The following ZNF469 variants were observed in gnomAD, a reference collection of about 807,000 sequenced individuals.
ZNF469 encodes the protein zinc finger protein 469.
Under a neutral mutation model 1.0 loss-of-function variants are expected in ZNF469, and 1 was observed. The ratio of observed to expected loss-of-function variants is 1.00; its 90% confidence interval spans 0.35 to 4.73. The LOEUF is 4.73. ZNF469 is among the 30% of genes most tolerant of loss of function. The pLI, the probability that ZNF469 is intolerant of heterozygous loss-of-function variation, is 0.16. For missense variants in ZNF469, 6,100 were observed against 5,356.3 expected, an observed-to-expected ratio of 1.14 and a Z score of -4.33; for synonymous variants, 2,703 against 2,363.4, an observed-to-expected ratio of 1.14 and a Z score of -4.17.
the ZNF469 span, among the ~76,000 whole-genome samples, chr16:88,296,732 C>T: frequency 9.9e-5 from 15 of 150,940 alleles, no homozygotes; most frequent in Admixed American, 6.6e-4. Flanking sequence ...GCCCATGCTC[C>T]ACCCACACAC....
the ZNF469 span, among the ~76,000 whole-genome samples, chr16:88,122,068 C>T: frequency 4.7e-5 from 7 of 149,672 alleles, no homozygotes; most frequent in East Asian, 1.4e-3. Flanking sequence ...TGATCGCACC[C>T]TGTCACTTGC....
At chr16:88,354,453 C>T in the ZNF469 span, among the ~76,000 whole-genome samples, 1 of 152,232 alleles carries the variant, frequency 6.6e-6, no homozygotes, top group East Asian at 1.9e-4. Flanking sequence ...GAATTAGGTG[C>T]AGCTGGGGTC....
At chr16:88,163,895 AATGG>A in the ZNF469 span, among the ~76,000 whole-genome samples, 905 of 140,454 alleles carry the variant, frequency 6.4e-3, 13 homozygotes, top group African/African-American at 0.019. Flanking sequence ...TGGGTAGATG[AATGG>A]ATGGATGGAT....
At chr16:88,305,597 C>T in the ZNF469 span, among the ~76,000 whole-genome samples, 3 of 151,024 alleles carry the variant, frequency 2.0e-5, no homozygotes, top group Non-Finnish European at 4.4e-5. Flanking sequence ...CACGCACACC[C>T]TCACACATGC....
the ZNF469 span, among the ~76,000 whole-genome samples, chr16:88,163,899 G>GATGC: frequency 1.3e-5 from 2 of 149,448 alleles, no homozygotes; most frequent in Non-Finnish European, 3.0e-5. Flanking sequence ...TAGATGAATG[G>GATGC]ATGGATGGAT....
chr16:88,440,191 A>AT lies in ZNF469; in HGVS notation c.*870dup, dbSNP rs35684712. 65 of 149,840 alleles carry AT rather than the reference A, an allele frequency of 4.3e-4. No individual in the cohort carries two copies. In the East Asian group the frequency reaches 7.5e-3, roughly 17 times the overall value. 9.3% of individuals were successfully genotyped at this position (149,840 alleles called of 1,614,324 possible). A position where few individuals can be genotyped will look rare whatever the true frequency, so the allele number is the denominator to read the frequency against. ...TGTAATGTGAATACAGGCTTCCTTG[A>AT]TTTTTTTTTTTAATGGGGGTATTGG... On this transcript the variant is annotated 3_prime_UTR_variant, in exon 3 of 3. Coordinates refer to ENST00000565624, the MANE Select transcript of ZNF469 (RefSeq NM_001367624.2).
At chr16:88,110,609 G>A in the ZNF469 span, among the ~76,000 whole-genome samples, 1 of 152,368 alleles carries the variant, frequency 6.6e-6, no homozygotes, top group Admixed American at 6.5e-5. Flanking sequence ...AACTGTATCG[G>A]AGAGATGTCC....
At chr16:88,407,131 T>G (rs1210413694) in intron 1 of ZNF469, among the ~76,000 whole-genome samples, 1 of 107,296 alleles carries the variant, frequency 9.3e-6, no homozygotes, top group African/African-American at 4.1e-5. Context: ...AGGACTGAGG[T>G]GTGTGCCCGG....
At chr16:88,107,540 G>T in the ZNF469 span, among the ~76,000 whole-genome samples, 5 of 152,216 alleles carry the variant, frequency 3.3e-5, no homozygotes, top group African/African-American at 1.2e-4. Flanking sequence ...TTCGAGGTGA[G>T]ATCTGCGTGG....
At chr16:88,330,825 C>A in the ZNF469 span, among the ~76,000 whole-genome samples, 1 of 152,222 alleles carries the variant, frequency 6.6e-6, no homozygotes, top group African/African-American at 2.4e-5. Context: ...CCCCTTCAGT[C>A]CTATGAGCCT....
the ZNF469 span, among the ~76,000 whole-genome samples, chr16:88,198,557 C>T: frequency 6.6e-6 from 1 of 152,208 alleles, no homozygotes. Flanking sequence ...TAATTCTTGT[C>T]ACTTTAAATG....
chr16:88,113,971 G>A, the ZNF469 span, among the ~76,000 whole-genome samples: 30 of 152,310 alleles, frequency 2.0e-4, no homozygotes, highest in South Asian at 8.3e-4. Flanking sequence ...GCTGTGGGCC[G>A]TGCGATGGGA....
chr16:88,306,316 T>G, the ZNF469 span, among the ~76,000 whole-genome samples: 1 of 152,234 alleles, frequency 6.6e-6, no homozygotes, highest in African/African-American at 2.4e-5. Flanking sequence ...TAAGGGAACT[T>G]GAGGAGCTGA....
chr16:88,352,311 A>G, the ZNF469 span, among the ~76,000 whole-genome samples: 4 of 152,236 alleles, frequency 2.6e-5, no homozygotes, highest in Non-Finnish European at 5.9e-5. Flanking sequence ...GTCGCAGTAA[A>G]GAAGCTTCAT....
At chr16:88,379,105 AT>A (rs1172311534), upstream of ZNF469, among the ~76,000 whole-genome samples, 19 of 152,212 alleles carry the variant, frequency 1.2e-4, no homozygotes, top group Admixed American at 1.2e-3. Context: ...ACTCGGTTTC[AT>A]TTTTACATCA....
rs772945899 is a variant in ZNF469, at chr16:88,436,134, G to A, written c.8664G>A (p.Pro2888=). The A allele has an allele frequency of 9.0e-6, 14 of 1,547,936 alleles. No homozygotes were observed. In the Middle Eastern group the frequency reaches 7.0e-4, roughly 77 times the overall value. ...AGCGCTGTGAGAAGCCGGTGCTCCCGCTGCCAACCCAGCCCAGCTTTGAGG... is the reference window on the plus strand; with the variant it reads ...AGCGCTGTGAGAAGCCGGTGCTCCCACTGCCAACCCAGCCCAGCTTTGAGG... ...YGKRCEKPVL[P]LPTQPSFEEG... Residue 2888 remains proline (P), a synonymous_variant, in exon 3 of 3, where the codon CCG becomes CCA. Transcript: ENST00000565624.
At chr16:88,253,197 G>T in the ZNF469 span, among the ~76,000 whole-genome samples, 1 of 152,108 alleles carries the variant, frequency 6.6e-6, no homozygotes, top group Non-Finnish European at 1.5e-5. Context: ...GCCTTCTTGT[G>T]GCCACGTTTC....
At chr16:88,256,951 T>TTTCTTTCTTTCTTTCTTTCTTTC in the ZNF469 span, among the ~76,000 whole-genome samples, 7 of 16,668 alleles carry the variant, frequency 4.2e-4, no homozygotes, top group African/African-American at 7.7e-4. Context: ...TCTTTCTTTC[T>TTTCTTTCTTTCTTTCTTTCTTTC]TTTCTTTTCT....
At chr16:88,369,496 G>T in the ZNF469 span, among the ~76,000 whole-genome samples, 1 of 152,204 alleles carries the variant, frequency 6.6e-6, no homozygotes, top group Non-Finnish European at 1.5e-5. Flanking sequence ...TATGGGAATT[G>T]AAGTCGGACA....
Sources: allele counts gnomAD v4.1 joint callset (sites outside exome capture counted in the v4.1 genomes callset), GRCh38; gene constraint gnomAD v4.1.1; transcripts MANE v1.5; gene names NCBI Gene and HGNC (gene_info 2026-07-23, HGNC 2026-07-21).